DLEU7: variants seen among roughly 807,000 people sequenced by gnomAD.
The protein encoded by DLEU7 is leukemia-associated protein 7.
DLEU7 carries 17 observed loss-of-function variants against 16.0 expected under a neutral mutation model. The ratio of observed to expected loss-of-function variants is 1.06; its 90% CI spans 0.73 to 1.59. The LOEUF is 1.59. DLEU7 is among the 40% of genes most tolerant of loss of function. The pLI, the probability that DLEU7 is intolerant of heterozygous loss-of-function variation, is 0.00. For missense variants in DLEU7, 308 were observed against 314.9 expected (o/e 0.98, Z 0.17); for synonymous variants, 113 against 139.8 (o/e 0.81, Z 1.35).
intron 1 of DLEU7, among the ~76,000 whole-genome samples, chr13:50,745,787 T>C (rs1372654725): frequency 6.6e-6 from 1 of 152,130 alleles, no homozygotes; most frequent in Non-Finnish European, 1.5e-5. Flanking sequence ...GGGTACTCTC[T>C]GAATGGCAGT....
intron 1 of DLEU7, among the ~76,000 whole-genome samples, chr13:50,737,303 G>A (rs1874101391): frequency 6.6e-6 from 1 of 152,086 alleles, no homozygotes; most frequent in South Asian, 2.1e-4. Flanking sequence ...TTTATCCTAG[G>A]AATTCAAGAT....
intron 1 of DLEU7, among the ~76,000 whole-genome samples, chr13:50,798,856 T>C (rs1403548589): frequency 6.6e-6 from 1 of 152,158 alleles, no homozygotes; most frequent in Non-Finnish European, 1.5e-5. Context: ...TCCCCCTAGC[T>C]CTTGGGACCC....
intron 1 of DLEU7, among the ~76,000 whole-genome samples, chr13:50,721,264 G>A (rs1161643345): frequency 3.3e-5 from 5 of 152,214 alleles, no homozygotes; most frequent in African/African-American, 7.2e-5. Context: ...TCGGGCCTTC[G>A]GCCACAGACT....
chr13:50,746,851 C>A (rs560707975), intron 1 of DLEU7, among the ~76,000 whole-genome samples: 45 of 152,264 alleles, frequency 3.0e-4, no homozygotes, highest in African/African-American at 1.0e-3. Flanking sequence ...CACTGAGCTG[C>A]AAGGCCTTGG....
At chr13:50,782,650 A>C (rs768463428) in intron 1 of DLEU7, among the ~76,000 whole-genome samples, 4 of 152,102 alleles carry the variant, frequency 2.6e-5, no homozygotes, top group Admixed American at 6.5e-5. Context: ...CCTAGTTTCC[A>C]TATAGTGAGC....
intron 1 of DLEU7, among the ~76,000 whole-genome samples, chr13:50,786,242 G>A (rs1026214082): frequency 2.0e-5 from 3 of 152,084 alleles, no homozygotes; most frequent in African/African-American, 4.8e-5. Context: ...TACCTGTGTG[G>A]CAAATACACT....
intron 1 of DLEU7, among the ~76,000 whole-genome samples, chr13:50,714,554 T>C (rs74078040): frequency 9.2e-5 from 14 of 152,276 alleles, no homozygotes; most frequent in Non-Finnish European, 1.3e-4. Context: ...TCAGGAGATG[T>C]CATCTGCTAA....
intron 1 of DLEU7, among the ~76,000 whole-genome samples, chr13:50,795,331 T>C (rs761014709): frequency 7.9e-5 from 12 of 152,146 alleles, no homozygotes; most frequent in Non-Finnish European, 1.5e-4. Flanking sequence ...AGATTCACCT[T>C]GAACTCATGT....
intron 1 of DLEU7, among the ~76,000 whole-genome samples, chr13:50,768,531 G>A (rs868298182): frequency 2.7e-4 from 40 of 150,576 alleles, no homozygotes; most frequent in Admixed American, 9.3e-4. Context: ...GAGAATATGC[G>A]GTGTTTGGTT....
intron 1 of DLEU7, among the ~76,000 whole-genome samples, chr13:50,841,405 T>TA (rs1264884713): frequency 1.3e-5 from 2 of 152,076 alleles, no homozygotes; most frequent in African/African-American, 4.8e-5. Flanking sequence ...ATTTTTTTTT[T>TA]AAAGGCTGCC....
intron 1 of DLEU7, among the ~76,000 whole-genome samples, chr13:50,729,128 A>G (rs1416634590): frequency 2.0e-5 from 3 of 152,150 alleles, no homozygotes; most frequent in African/African-American, 7.2e-5. Flanking sequence ...TCACCCATGT[A>G]TTAAAATAAG....
At chr13:50,820,038 T>A (rs1876848472), downstream of DLEU7, among the ~76,000 whole-genome samples, 2 of 152,062 alleles carry the variant, frequency 1.3e-5, no homozygotes, top group South Asian at 4.1e-4. Flanking sequence ...TCTGCTGACC[T>A]GGAAAACAAA....
intron 1 of DLEU7, chr13:50,807,880 G>C (rs1009016558): frequency 6.6e-6 from 1 of 152,082 alleles, no homozygotes; most frequent in Non-Finnish European, 1.5e-5. Flanking sequence ...AGATGAAGAG[G>C]CATAAGGACT....
At chr13:50,772,579 T>C (rs541344450) in intron 1 of DLEU7, among the ~76,000 whole-genome samples, 33 of 152,366 alleles carry the variant, frequency 2.2e-4, no homozygotes, top group African/African-American at 6.5e-4. Flanking sequence ...TCTTTAATAA[T>C]GTTGAATATT....
intron 1 of DLEU7, 104 bp from the exon 2 acceptor site, chr13:50,823,624 A>G: frequency 1.5e-6 from 2 of 1,350,406 alleles, no homozygotes; most frequent in Non-Finnish European, 9.8e-7. Context: ...TGGTGACAGC[A>G]CTCTGGTTTT....
intron 1 of DLEU7, among the ~76,000 whole-genome samples, chr13:50,825,111 T>G (rs908246372): frequency 6.6e-6 from 1 of 152,184 alleles, no homozygotes; most frequent in African/African-American, 2.4e-5. Flanking sequence ...TTTTAAGAGA[T>G]GAGATGATAA....
chr13:50,741,516 G>A (rs1177767147), intron 1 of DLEU7, among the ~76,000 whole-genome samples: 3 of 152,042 alleles, frequency 2.0e-5, no homozygotes, highest in African/African-American at 7.2e-5. Context: ...ATAAATTTCA[G>A]GACAACTGTT....
chr13:50,838,074 T>C (rs1313789109), intron 1 of DLEU7, among the ~76,000 whole-genome samples: 1 of 152,144 alleles, frequency 6.6e-6, no homozygotes. Flanking sequence ...TATTTTTTTT[T>C]ACCAATGGGG....
At chr13:50,824,077 G>A (rs1204702531) in intron 1 of DLEU7, among the ~76,000 whole-genome samples, 1 of 152,104 alleles carries the variant, frequency 6.6e-6, no homozygotes, top group Non-Finnish European at 1.5e-5. Context: ...AAAGAACTGT[G>A]ACAAATACAC....
Sources: allele counts gnomAD v4.1 joint callset (sites outside exome capture counted in the v4.1 genomes callset), GRCh38; gene constraint gnomAD v4.1.1; transcripts MANE v1.5; gene names NCBI Gene and HGNC (gene_info 2026-07-23, HGNC 2026-07-21).